Variants in MARCHF1 observed in about 807,000 individuals in gnomAD.
MARCHF1 encodes membrane associated ring-CH-type finger 1.
Under a neutral mutation model 54.2 loss-of-function variants are expected in MARCHF1, and 40 were observed. The ratio of observed to expected loss-of-function variants is 0.74; its 90% confidence interval spans 0.57 to 0.96. The LOEUF is 0.96. Ranked by LOEUF, MARCHF1 falls within the 40% of genes least tolerant of loss-of-function variation. The pLI is 0.00. For synonymous variants in MARCHF1, 236 were observed against 236.3 expected, an observed-to-expected ratio of 1.00 and a Z score of 0.01; for missense variants, 586 against 656.5, an observed-to-expected ratio of 0.89 and a Z score of 1.17.
intron 2 of MARCHF1, among the ~76,000 whole-genome samples, chr4:164,063,936 G>T (rs936045830): frequency 1.3e-5 from 2 of 152,206 alleles, no homozygotes; most frequent in Non-Finnish European, 2.9e-5. Context: ...TCCATTGTTT[G>T]TTTTTGTCAG....
intron 5 of MARCHF1, among the ~76,000 whole-genome samples, chr4:163,668,953 C>T (rs990851655): frequency 6.6e-6 from 1 of 152,088 alleles, no homozygotes; most frequent in African/African-American, 2.4e-5. Flanking sequence ...CCTTGAGATC[C>T]ATCCATTTCA....
chr4:163,899,346 TC>T (rs919903069), intron 3 of MARCHF1, among the ~76,000 whole-genome samples: 2 of 152,184 alleles, frequency 1.3e-5, no homozygotes, highest in African/African-American at 4.8e-5. Flanking sequence ...GGTTGGTTGT[TC>T]ATTTTTACTT....
intron 3 of MARCHF1, among the ~76,000 whole-genome samples, chr4:163,925,789 A>C (rs1024646683): frequency 1.3e-5 from 2 of 151,734 alleles, no homozygotes; most frequent in Non-Finnish European, 3.0e-5. Context: ...TTATTAGTTA[A>C]TAACATACTA....
intron 5 of MARCHF1, among the ~76,000 whole-genome samples, chr4:163,654,054 T>A (rs1743059392): frequency 6.6e-6 from 1 of 151,502 alleles, no homozygotes; most frequent in Non-Finnish European, 1.5e-5. Context: ...ATCAGTCTGG[T>A]GGGAGGAAAG....
intron 4 of MARCHF1, among the ~76,000 whole-genome samples, chr4:163,774,779 A>G (rs2110881670): frequency 6.6e-6 from 1 of 152,300 alleles, no homozygotes; most frequent in South Asian, 2.1e-4. Context: ...TACAGGTGTG[A>G]GTGACCACGC....
rs746817070 is a variant in MARCHF1 at position 164,049,669 on chromosome 4, CATCA to C, written c.-247-60964_-247-60961del. Among the ~76,000 whole-genome samples, 36 of 152,192 alleles carry C rather than the reference CATCA, an allele frequency of 2.4e-4. No homozygotes were observed. The Middle Eastern group carries it at 0.01, about 43-fold the overall frequency. ...AAAATTGACAAAAAAAGCTAAGAAT[CATCA>C]ATATCATTTTTTCTTATAAACTGAG... On this transcript the variant is annotated intron_variant, in intron 2 of 9. Coordinates refer to ENST00000514618, the MANE Select transcript of MARCHF1 (RefSeq NM_001394959.1).
intron 1 of MARCHF1, among the ~76,000 whole-genome samples, chr4:164,325,484 C>T (rs775692036): frequency 6.6e-6 from 1 of 151,806 alleles, no homozygotes; most frequent in Non-Finnish European, 1.5e-5. Flanking sequence ...CCCTTTCTTA[C>T]GTCATATACA....
chr4:163,880,635 T>C (rs1750394292), intron 3 of MARCHF1, among the ~76,000 whole-genome samples: 3 of 151,928 alleles, frequency 2.0e-5, no homozygotes, highest in Admixed American at 2.0e-4. Context: ...TATAATAATA[T>C]ATGAAGTAGG....
chr4:163,971,222 G>A (rs748126767), intron 3 of MARCHF1, among the ~76,000 whole-genome samples: 1 of 152,180 alleles, frequency 6.6e-6, no homozygotes, highest in Non-Finnish European at 1.5e-5. Flanking sequence ...CAAGTAGTGG[G>A]ATAGAGTGTA....
At chr4:163,967,767 A>G (rs1752472950) in intron 3 of MARCHF1, among the ~76,000 whole-genome samples, 1 of 152,172 alleles carries the variant, frequency 6.6e-6, no homozygotes, top group East Asian at 1.9e-4. Flanking sequence ...GGAGGCTAAG[A>G]AGCCTAAAAT....
chr4:164,161,471 A>C lies in MARCHF1; in HGVS notation c.-322-49809T>G, dbSNP rs188915192. Among the ~76,000 whole-genome samples the C allele has an allele frequency of 2.5e-4, 38 of 152,256 alleles. No homozygotes were observed. In the East Asian group the frequency reaches 7.1e-3, roughly 29 times the overall value. ...CAATGTGAGGACAGACTAATATGCC[A>C]TGTTGGATACAATTTAGGAAAGCAT... On this transcript the variant is annotated intron_variant, in intron 1 of 9. Coordinates refer to ENST00000514618, the MANE Select transcript of MARCHF1 (RefSeq NM_001394959.1).
chr4:164,272,627 G>A (rs1178784339), intron 1 of MARCHF1, among the ~76,000 whole-genome samples: 1 of 151,542 alleles, frequency 6.6e-6, no homozygotes, highest in African/African-American at 2.4e-5. Context: ...ATTAATGAAA[G>A]GATAAAAGGG....
rs532560122 is a variant in MARCHF1 at position 163,853,762 on chromosome 4, A to C, written c.111+259T>G. Among the ~76,000 whole-genome samples, 4 of 152,324 alleles carry C rather than the reference A, an allele frequency of 2.6e-5. No individual in the cohort carries two copies. The East Asian group carries it at 5.8e-4, about 22-fold the overall frequency. ...AATTTAAATATTTTTAAGGTCACTA[A>C]CATAATAAATGGATGATGTCCAAAC... On this transcript the variant is annotated intron_variant, in intron 4 of 9. Coordinates refer to ENST00000514618, the MANE Select transcript of MARCHF1 (RefSeq NM_001394959.1).
chr4:164,058,815 A>G (rs1387483695), intron 2 of MARCHF1, among the ~76,000 whole-genome samples: 1 of 152,218 alleles, frequency 6.6e-6, no homozygotes, highest in Non-Finnish European at 1.5e-5. Flanking sequence ...TGGTTGGTAA[A>G]GTCTCTGATG....
At chr4:163,721,876 T>C (rs1352661189) in intron 4 of MARCHF1, among the ~76,000 whole-genome samples, 1 of 152,118 alleles carries the variant, frequency 6.6e-6, no homozygotes, top group African/African-American at 2.4e-5. Flanking sequence ...GGTGGTGACA[T>C]CCCTTTTATC....
At chr4:164,361,003 C>A (rs1730707669) in intron 1 of MARCHF1, among the ~76,000 whole-genome samples, 1 of 151,542 alleles carries the variant, frequency 6.6e-6, no homozygotes, top group Non-Finnish European at 1.5e-5. Flanking sequence ...ACCATAATGA[C>A]CCTAGAGCAC....
At chr4:163,706,219 T>G (rs930958429) in intron 4 of MARCHF1, among the ~76,000 whole-genome samples, 1 of 152,040 alleles carries the variant, frequency 6.6e-6, no homozygotes, top group Non-Finnish European at 1.5e-5. Context: ...CATGCTTTTT[T>G]CCTACTGCTC....
At chr4:163,975,128 C>A (rs1477095390) in intron 3 of MARCHF1, among the ~76,000 whole-genome samples, 3 of 148,524 alleles carry the variant, frequency 2.0e-5, no homozygotes, top group African/African-American at 7.4e-5. Flanking sequence ...GACTTCTCAG[C>A]CTCCATAATT....
At chr4:164,161,516 T>C (rs1028663542) in intron 1 of MARCHF1, among the ~76,000 whole-genome samples, 6 of 145,156 alleles carry the variant, frequency 4.1e-5, no homozygotes, top group African/African-American at 1.5e-4. Context: ...TCTTTCCATG[T>C]GATATCAAAA....
Sources: gnomAD v4.1 joint callset for allele counts (sites outside exome capture counted in the v4.1 genomes callset) on GRCh38, gnomAD v4.1.1 for gene constraint, MANE v1.5 for transcripts, NCBI Gene and HGNC (gene_info 2026-07-23, HGNC 2026-07-21) for gene names.